The following GSE1 variants were observed in gnomAD, a reference collection of about 807,000 sequenced individuals.
GSE1 encodes Gse1 coiled-coil protein.
GSE1 carries 32 observed loss-of-function variants against 112.6 expected under a neutral mutation model. That is an observed-to-expected ratio of 0.28 (90% CI 0.21 to 0.38). The LOEUF is 0.38. Ranked by LOEUF, GSE1 falls within the 10% of genes least tolerant of loss-of-function variation. The pLI is 1.00. For synonymous variants in GSE1, 1,115 were observed against 735.6 expected (o/e 1.52, Z -8.35); for missense variants, 2,348 against 1,699.2 (o/e 1.38, Z -6.71).
At chr16:85,386,324 GGGT>G (rs2047688019) in intron 2 of GSE1, among the ~76,000 whole-genome samples, 1 of 152,204 alleles carries the variant, frequency 6.6e-6, no homozygotes, top group East Asian at 1.9e-4. Context: ...GATGCTGCCT[GGGT>G]CAAACCTGGT....
At chr16:85,391,790 G>A (rs1048938702) in intron 2 of GSE1, among the ~76,000 whole-genome samples, 9 of 152,100 alleles carry the variant, frequency 5.9e-5, no homozygotes, top group African/African-American at 2.2e-4. Context: ...TGCTTGTGGG[G>A]CCTCACTGGC....
chr16:85,332,555 C>T (rs1284944085), intron 1 of GSE1, among the ~76,000 whole-genome samples: 2 of 152,140 alleles, frequency 1.3e-5, no homozygotes, highest in Non-Finnish European at 2.9e-5. Flanking sequence ...AAGCCCCCTC[C>T]CCGTGTGCCT....
At position 85,655,856 on chromosome 16, in the gene GSE1, C is replaced by G; in HGVS notation, c.928C>G (p.Leu310Val). The G allele has an allele frequency of 3.1e-6, 5 of 1,609,662 alleles. No homozygotes were observed. Among genetic ancestry groups the G allele is most frequent in the Non-Finnish European group, 4.2e-6 (5 of 1,179,888 alleles). ...HLSGVRYPPE[L>V]SHSSLAALHS... Reference sequence around the variant, plus strand: ...CTCTGGGGTCCGCTACCCTCCCGAGCTCTCCCACTCATCCCTGGCAGCGCT... The same window carrying G: ...CTCTGGGGTCCGCTACCCTCCCGAGGTCTCCCACTCATCCCTGGCAGCGCT... Residue 310 changes from leucine (L) to valine (V), a missense_variant, in exon 6 of 16, where the codon CTC becomes GTC. Physicochemically the swap from Leu to Val is conservative, Grantham distance 32 (BLOSUM62 1). Coordinates refer to ENST00000253458, the MANE Select transcript of GSE1 (RefSeq NM_014615.5).
intron 2 of GSE1, among the ~76,000 whole-genome samples, chr16:85,472,921 C>A (rs1343932765): frequency 2.0e-5 from 3 of 152,244 alleles, no homozygotes; most frequent in African/African-American, 7.2e-5. Context: ...GCTCCTCCAA[C>A]TGAGGCTCAC....
intron 1 of GSE1, among the ~76,000 whole-genome samples, chr16:85,632,728 GC>G (rs975914808): frequency 2.4e-4 from 36 of 152,192 alleles, no homozygotes; most frequent in Non-Finnish European, 2.6e-4. Context: ...CTTGTGTGTT[GC>G]CCCCCGGATC....
rs1023271120 is a variant in GSE1, at chr16:85,450,664, T to TG, written c.2464+93023dup. 5.3e-4 allele frequency among the ~76,000 whole-genome samples: 79 copies of TG among 150,358 alleles called. 1 individual carries two copies. In the East Asian group the frequency reaches 0.011, roughly 21 times the overall value. ...TGGGGTTTCACCATCTTGGCCAGGC[T>TG]GGTCTTGAATTCCTGACCTTGTGAT... On this transcript the variant is annotated intron_variant, in intron 2 of 2. Coordinates refer to the GSE1 transcript ENST00000637419.
At chr16:85,436,932 G>C (rs1242172297) in intron 2 of GSE1, among the ~76,000 whole-genome samples, 1 of 152,242 alleles carries the variant, frequency 6.6e-6, no homozygotes, top group African/African-American at 2.4e-5. Context: ...ATCAGTGGGA[G>C]ACATCTGCTT....
intron 2 of GSE1, among the ~76,000 whole-genome samples, chr16:85,455,964 A>G (rs112100143): frequency 0.012 from 1,796 of 152,336 alleles, 32 homozygotes; most frequent in African/African-American, 0.041. Context: ...AACTCATAGC[A>G]TCCTTATTTT....
At chr16:85,382,947 A>G (rs953247443) in intron 2 of GSE1, among the ~76,000 whole-genome samples, 3 of 151,192 alleles carry the variant, frequency 2.0e-5, no homozygotes, top group African/African-American at 7.3e-5. Flanking sequence ...ACACGTACAC[A>G]TGCACACACG....
chr16:85,383,210 C>G (rs1258611365), intron 2 of GSE1, among the ~76,000 whole-genome samples: 1 of 151,924 alleles, frequency 6.6e-6, no homozygotes, highest in Non-Finnish European at 1.5e-5. Flanking sequence ...ACACACAGCC[C>G]TCTGTACATA....
chr16:85,461,657 C>G (rs1046318263), intron 2 of GSE1, among the ~76,000 whole-genome samples: 2 of 152,182 alleles, frequency 1.3e-5, no homozygotes, highest in Non-Finnish European at 2.9e-5. Flanking sequence ...AGCCCCCACC[C>G]CTTTAATTAG....
intron 1 of GSE1, among the ~76,000 whole-genome samples, chr16:85,626,435 G>C (rs773232498): frequency 6.6e-6 from 1 of 152,222 alleles, no homozygotes; most frequent in Non-Finnish European, 1.5e-5. Context: ...GATCGCGGGG[G>C]CGGGCACCAG....
chr16:85,667,520 G>T (rs1027968492), intron 13 of GSE1, among the ~76,000 whole-genome samples: 11 of 152,238 alleles, frequency 7.2e-5, no homozygotes, highest in Non-Finnish European at 1.6e-4. Flanking sequence ...CTTGTGAGAG[G>T]ATGGGCTGGT....
chr16:85,272,174 A>G (rs985773264), intron 1 of GSE1, among the ~76,000 whole-genome samples: 1 of 152,148 alleles, frequency 6.6e-6, no homozygotes, highest in African/African-American at 2.4e-5. Flanking sequence ...CCCTTTTCTA[A>G]CAGGCTCCGC....
At chr16:85,637,477 A>G (rs6539958) in intron 2 of GSE1, among the ~76,000 whole-genome samples, 121,746 of 151,598 alleles carry the variant, frequency 0.8, 49,271 homozygotes, top group East Asian at 0.98. Flanking sequence ...CCTTGATTGC[A>G]GCAGTGGCTA....
intron 1 of GSE1, among the ~76,000 whole-genome samples, chr16:85,242,145 C>A (rs1474546510): frequency 2.0e-5 from 3 of 152,216 alleles, no homozygotes; most frequent in Non-Finnish European, 4.4e-5. Flanking sequence ...ACACGCCAGG[C>A]ATCTCGCCCT....
intron 2 of GSE1, among the ~76,000 whole-genome samples, chr16:85,458,993 C>G (rs1283024658): frequency 6.6e-6 from 1 of 152,212 alleles, no homozygotes; most frequent in Non-Finnish European, 1.5e-5. Context: ...CCTCCCCACT[C>G]TCAGGAGTAT....
chr16:85,590,322 ATG>A (rs1034838789), intron 1 of GSE1, among the ~76,000 whole-genome samples: 3 of 146,786 alleles, frequency 2.0e-5, no homozygotes, highest in African/African-American at 2.6e-5. Flanking sequence ...CCATGTGTGA[ATG>A]TGAGTGTGTG....
At chr16:85,386,025 G>T (rs11864019) in intron 2 of GSE1, among the ~76,000 whole-genome samples, 30,758 of 152,220 alleles carry the variant, frequency 0.2, 3,239 homozygotes, top group South Asian at 0.26. Context: ...TCACTCTGCG[G>T]GGCTGTCTGG....
Sources: allele counts gnomAD v4.1 joint callset (sites outside exome capture counted in the v4.1 genomes callset), GRCh38; gene constraint gnomAD v4.1.1; transcripts MANE v1.5; gene names NCBI Gene and HGNC (gene_info 2026-07-23, HGNC 2026-07-21).